AGAP1: variants seen among roughly 807,000 people sequenced by gnomAD.
AGAP1 encodes the protein ArfGAP with GTPase domain, ankyrin repeat and PH domain 1, also known as arf-GAP with GTPase, ANK repeat and PH domain-containing protein 1.
Under a neutral mutation model 105.3 loss-of-function variants are expected in AGAP1, and 29 were observed. The ratio of observed to expected loss-of-function variants is 0.28; its 90% CI spans 0.21 to 0.38. AGAP1 has a LOEUF of 0.38. Among genes scored for constraint, AGAP1 ranks in the 10% least tolerant of loss-of-function variants. The probability of loss-of-function intolerance (pLI) is 1.00; values close to 1 mark genes in which losing one functional copy is unlikely to be tolerated. For missense variants in AGAP1, 998 were observed against 1,165.1 expected, an observed-to-expected ratio of 0.86 and a Z score of 2.09; for synonymous variants, 509 against 485.9, an observed-to-expected ratio of 1.05 and a Z score of -0.63.
At chr2:235,946,740 A>G (rs2053518078) in intron 12 of AGAP1, among the ~76,000 whole-genome samples, 1 of 152,120 alleles carries the variant, frequency 6.6e-6, no homozygotes, top group Admixed American at 6.5e-5. Flanking sequence ...TGGCCATTGA[A>G]ATCGCCAGGC....
At chr2:235,602,110 T>C (rs1945750158) in intron 1 of AGAP1, among the ~76,000 whole-genome samples, 2 of 152,220 alleles carry the variant, frequency 1.3e-5, no homozygotes, top group South Asian at 4.1e-4. Flanking sequence ...CACCTGCTTC[T>C]GTATGGCTTT....
intron 1 of AGAP1, among the ~76,000 whole-genome samples, chr2:235,653,506 TAAC>T (rs1947676822): frequency 6.7e-6 from 1 of 149,562 alleles, no homozygotes; most frequent in African/African-American, 2.5e-5. Flanking sequence ...AAATATAACA[TAAC>T]ATAACATAAC....
intron 10 of AGAP1, among the ~76,000 whole-genome samples, chr2:235,894,616 AACATAC>A (rs5839613): frequency 6.6e-6 from 1 of 151,046 alleles, no homozygotes; most frequent in Non-Finnish European, 1.5e-5. Flanking sequence ...CACACACTTA[AACATAC>A]ACATGCACAT....
At chr2:235,813,667 T>G (rs1407321042) in intron 9 of AGAP1, among the ~76,000 whole-genome samples, 1 of 152,224 alleles carries the variant, frequency 6.6e-6, no homozygotes, top group Non-Finnish European at 1.5e-5. Context: ...CCAGTGGGCG[T>G]GTGTTACAGT....
Position 235,691,767 on chromosome 2 carries a change from C to CGTCAT in AGAP1, c.164-17409_164-17405dup, listed in dbSNP as rs1295295974. ...CCTTCCCTGTCCTGAGTGTGACCTC[C>CGTCAT]GTCATGTTGACCCCTGCACTCCTGC... On this transcript the variant is annotated intron_variant, in intron 1 of 17. Transcript: ENST00000304032. The surrounding 1 kb of genome is among the most constrained non-coding windows in gnomAD (Gnocchi z 4.4). Among the ~76,000 whole-genome samples the CGTCAT allele has an allele frequency of 3.3e-5, 5 of 152,194 alleles. No individual in the cohort carries two copies. Among genetic ancestry groups the CGTCAT allele is most frequent in the Non-Finnish European group, 7.3e-5 (5 of 68,040 alleles).
In AGAP1 at chr2:235,662,007, T is replaced by C. The variant is rs1947973587; in HGVS notation, c.164-47172T>C. Among the ~76,000 whole-genome samples the C allele has an allele frequency of 6.6e-6, 1 of 152,038 alleles. No individual in the cohort carries two copies. Among genetic ancestry groups the C allele is most frequent in the Non-Finnish European group, 1.5e-5 (1 of 67,976 alleles). Reference sequence around the variant, plus strand: ...GGGAAAGGGCTTTTGGAGGCCAAGATTGTAGGGCAGTGTTATCCTGGGTGA... The same window carrying C: ...GGGAAAGGGCTTTTGGAGGCCAAGACTGTAGGGCAGTGTTATCCTGGGTGA... On this transcript the variant is annotated intron_variant, in intron 1 of 17. Transcript: ENST00000304032. The surrounding 1 kb of genome is among the most constrained non-coding windows in gnomAD (Gnocchi z 4.2).
At chr2:235,939,036 G>A (rs768479637) in intron 12 of AGAP1, among the ~76,000 whole-genome samples, 5 of 152,194 alleles carry the variant, frequency 3.3e-5, no homozygotes, top group Non-Finnish European at 7.3e-5. Flanking sequence ...GGACCTGAAT[G>A]ATGTGTGTGA....
intron 1 of AGAP1, among the ~76,000 whole-genome samples, chr2:235,613,090 C>T (rs367623016): frequency 3.4e-5 from 5 of 148,950 alleles, no homozygotes; most frequent in Non-Finnish European, 5.9e-5. Flanking sequence ...TGCAGTGGTA[C>T]GATCTCGGCT....
In AGAP1 at chr2:235,751,197, C is replaced by A. The variant is rs773288205; in HGVS notation, c.673+709C>A. ...TGCGTGGGGTGGGCGGGAGAGGTGG[C>A]GTCACCCTGGGGATAGGAGGGTCTG... On this transcript the variant is annotated intron_variant, in intron 6 of 17. Transcript: ENST00000304032. The surrounding 1 kb of genome is among the most constrained non-coding windows in gnomAD (Gnocchi z 5.3). 6.6e-6 allele frequency among the ~76,000 whole-genome samples: 1 copy of A among 151,896 alleles called. No homozygotes were observed. Among genetic ancestry groups the A allele is most frequent in the African/African-American group, 2.4e-5 (1 of 41,330 alleles).
In AGAP1 at chr2:236,046,315, A is replaced by G. The variant is rs2057716363; in HGVS notation, c.1892-2744A>G. On this transcript the variant is annotated intron_variant, in intron 15 of 17. Coordinates refer to ENST00000304032, the MANE Select transcript of AGAP1 (RefSeq NM_001037131.3). The surrounding 1 kb of genome is among the most constrained non-coding windows in gnomAD (Gnocchi z 5.2). ...TGACATGATCAGAGATGCCGTGTTCAGTGGGGCCCTGGCTGCTGTGTGAAG... is the reference window on the plus strand; with the variant it reads ...TGACATGATCAGAGATGCCGTGTTCGGTGGGGCCCTGGCTGCTGTGTGAAG... Among the ~76,000 whole-genome samples, 1 of 152,136 alleles carries G rather than the reference A, an allele frequency of 6.6e-6. No homozygotes were observed.
Position 235,957,983 on chromosome 2 carries a change from G to A in AGAP1, c.1484-10479G>A, listed in dbSNP as rs1431811010. 2.6e-5 allele frequency among the ~76,000 whole-genome samples: 4 copies of A among 152,206 alleles called. No individual in the cohort carries two copies. Among genetic ancestry groups the A allele is most frequent in the Non-Finnish European group, 4.4e-5 (3 of 68,030 alleles). On this transcript the variant is annotated intron_variant, in intron 12 of 17. Transcript: ENST00000304032. This position sits in a 1 kb window ranked among gnomAD's most constrained non-coding sequence, Gnocchi z 4.6. ...GCCAAATAGGTAAATTAAGGTGTGG[G>A]TGGAAGTCAGCAGGGGCAGGGGGCC...
Position 235,930,669 on chromosome 2 carries a change from C to A in AGAP1, c.1325-96C>A. 1.6e-6 allele frequency: 2 copies of A among 1,248,086 alleles called. No homozygotes were observed. Among genetic ancestry groups the A allele is most frequent in the East Asian group, 2.5e-5 (1 of 39,494 alleles). 77.3% of individuals were successfully genotyped at this position (1,248,086 alleles called of 1,614,324 possible). A position where few individuals can be genotyped will look rare whatever the true frequency, so the allele number is the denominator to read the frequency against. On this transcript the variant is annotated intron_variant, in intron 11 of 17. Coordinates refer to ENST00000304032, the MANE Select transcript of AGAP1 (RefSeq NM_001037131.3). This position sits in a 1 kb window ranked among gnomAD's most constrained non-coding sequence, Gnocchi z 7.9. ...AGGGGCTGCTCTCGGTGGTAAGGTGCACTATGTGCCAGCGTGTGGGTCCCA... is the reference window on the plus strand; with the variant it reads ...AGGGGCTGCTCTCGGTGGTAAGGTGAACTATGTGCCAGCGTGTGGGTCCCA...
In AGAP1 at chr2:235,610,929, C is replaced by T. The variant is rs955079441; in HGVS notation, c.164-98250C>T. Among the ~76,000 whole-genome samples, 7 of 152,070 alleles carry T rather than the reference C, an allele frequency of 4.6e-5. No individual in the cohort carries two copies. Among genetic ancestry groups the T allele is most frequent in the African/African-American group, 1.7e-4 (7 of 41,390 alleles). ...CCTCTGCCTGTAATCCTTTTCAGCCCCTCTGAAGAGCGGCCCAGTAGGATG... is the reference window on the plus strand; with the variant it reads ...CCTCTGCCTGTAATCCTTTTCAGCCTCTCTGAAGAGCGGCCCAGTAGGATG... On this transcript the variant is annotated intron_variant, in intron 1 of 17. Coordinates refer to ENST00000304032, the MANE Select transcript of AGAP1 (RefSeq NM_001037131.3). The surrounding 1 kb of genome is among the most constrained non-coding windows in gnomAD (Gnocchi z 4.9).
rs1958976676 is a variant in AGAP1 at position 235,824,765 on chromosome 2, C to A, written c.1050+17434C>A. On this transcript the variant is annotated intron_variant, in intron 9 of 17. Coordinates refer to ENST00000304032, the MANE Select transcript of AGAP1 (RefSeq NM_001037131.3). The surrounding 1 kb of genome is among the most constrained non-coding windows in gnomAD (Gnocchi z 5.2). ...GACGGCCTGCATTCTTTCGCGGTACCAAGAAATGCTCAACCTAAAACACAA... is the reference window on the plus strand; with the variant it reads ...GACGGCCTGCATTCTTTCGCGGTACAAAGAAATGCTCAACCTAAAACACAA... Among the ~76,000 whole-genome samples the A allele has an allele frequency of 6.6e-6, 1 of 152,128 alleles. No homozygotes were observed. The highest frequency in any genetic ancestry group is 6.5e-5 in the Admixed American group (1 of 15,274).
intron 1 of AGAP1, among the ~76,000 whole-genome samples, chr2:235,592,857 A>C (rs1025826089): frequency 6.6e-6 from 1 of 152,064 alleles, no homozygotes; most frequent in Non-Finnish European, 1.5e-5. Flanking sequence ...TGGAAGATGG[A>C]GGTGGGGATC....
chr2:235,579,064 G>C (rs1178237392), intron 1 of AGAP1, among the ~76,000 whole-genome samples: 1 of 152,186 alleles, frequency 6.6e-6, no homozygotes, highest in East Asian at 1.9e-4. Context: ...AGAAAACCAG[G>C]AAACCAAATT....
chr2:235,774,425 CGG>C (rs1475275189), intron 6 of AGAP1: 1 of 467,700 alleles, frequency 2.1e-6, no homozygotes, highest in Non-Finnish European at 4.4e-6. Flanking sequence ...CCTTCCATCA[CGG>C]CAGGCAGTCA....
intron 1 of AGAP1, among the ~76,000 whole-genome samples, chr2:235,695,241 T>C (rs769202470): frequency 2.0e-5 from 3 of 152,208 alleles, no homozygotes; most frequent in Non-Finnish European, 2.9e-5. Context: ...GTTCACTCCA[T>C]AATAGCTCTT....
chr2:235,515,011 T>G (rs1295005606), intron 1 of AGAP1, among the ~76,000 whole-genome samples: 1 of 152,192 alleles, frequency 6.6e-6, no homozygotes, highest in African/African-American at 2.4e-5. Context: ...GGGAATCTTT[T>G]CTTTGGGAGT....
Sources: allele counts gnomAD v4.1 joint callset (sites outside exome capture counted in the v4.1 genomes callset), GRCh38; gene constraint gnomAD v4.1.1; non-coding constraint Gnocchi (gnomAD v3.1); transcripts MANE v1.5; gene names NCBI Gene and HGNC (gene_info 2026-07-23, HGNC 2026-07-21).